SLC24A2: variants seen among roughly 807,000 people sequenced by gnomAD.
SLC24A2 encodes sodium/potassium/calcium exchanger 2.
SLC24A2 carries 36 observed loss-of-function variants against 62.0 expected under a neutral mutation model. The observed-to-expected ratio is 0.58, with a 90% CI of 0.44 to 0.77. The LOEUF (loss-of-function observed/expected upper bound fraction) is 0.77. Ranked by LOEUF, SLC24A2 falls within the 30% of genes least tolerant of loss-of-function variation. The probability of loss-of-function intolerance (pLI) is 0.00; values close to 1 mark genes in which losing one functional copy is unlikely to be tolerated. For synonymous variants in SLC24A2, 358 were observed against 294.0 expected (o/e 1.22, Z -2.23); for missense variants, 846 against 817.9 (o/e 1.03, Z -0.42).
chr9:19,950,592 T>C, the SLC24A2 span, among the ~76,000 whole-genome samples: 1 of 152,248 alleles, frequency 6.6e-6, no homozygotes. Context: ...CATGTATTCA[T>C]ATTCGATGAA....
chr9:19,674,166 A>G lies in SLC24A2; in HGVS notation c.931-51867T>C, dbSNP rs572137059. On this transcript the variant is annotated intron_variant, in intron 2 of 10. Coordinates refer to ENST00000341998, the MANE Select transcript of SLC24A2 (RefSeq NM_020344.4). Reference sequence around the variant, plus strand: ...TCTAGATACAAAATTCTTGGCTGATAATTGTTCTAAGAAGGCTGAAGATAG... The same window carrying G: ...TCTAGATACAAAATTCTTGGCTGATGATTGTTCTAAGAAGGCTGAAGATAG... 5.9e-5 allele frequency among the ~76,000 whole-genome samples: 9 copies of G among 152,258 alleles called. No homozygotes were observed. The South Asian group carries it at 1.9e-3, about 32-fold the overall frequency.
the SLC24A2 span, among the ~76,000 whole-genome samples, chr9:19,961,784 A>G: frequency 6.6e-6 from 1 of 152,326 alleles, no homozygotes; most frequent in East Asian, 1.9e-4. Flanking sequence ...GAGGGAAGGT[A>G]GCTGCCATGT....
chr9:20,089,160 G>A, the SLC24A2 span, among the ~76,000 whole-genome samples: 3 of 152,156 alleles, frequency 2.0e-5, no homozygotes, highest in African/African-American at 7.2e-5. Context: ...CCTTGCCCTT[G>A]CTGTCTCCAG....
chr9:19,530,829 G>A (rs942407559), intron 8 of SLC24A2, among the ~76,000 whole-genome samples: 1 of 152,124 alleles, frequency 6.6e-6, no homozygotes, highest in African/African-American at 2.4e-5. Flanking sequence ...TAAGCTAGAG[G>A]TAGATAAAGT....
At chr9:19,874,994 TACAAAAAAAA>T in the SLC24A2 span, among the ~76,000 whole-genome samples, 1 of 52,692 alleles carries the variant, frequency 1.9e-5, no homozygotes, top group East Asian at 3.6e-4. Context: ...CTTCCAGAAT[TACAAAAAAAA>T]AAAAAAAAAA....
At chr9:19,989,894 C>T in the SLC24A2 span, among the ~76,000 whole-genome samples, 1 of 152,070 alleles carries the variant, frequency 6.6e-6, no homozygotes, top group African/African-American at 2.4e-5. Flanking sequence ...TAGCACTATG[C>T]AGAGAGGGAA....
At chr9:19,696,090 G>A (rs1820183652) in intron 2 of SLC24A2, among the ~76,000 whole-genome samples, 1 of 152,112 alleles carries the variant, frequency 6.6e-6, no homozygotes, top group Non-Finnish European at 1.5e-5. Flanking sequence ...ATCAGTGGTG[G>A]CATTAGATTC....
the SLC24A2 span, among the ~76,000 whole-genome samples, chr9:19,841,628 T>C: frequency 6.6e-6 from 1 of 152,202 alleles, no homozygotes; most frequent in Non-Finnish European, 1.5e-5. Context: ...TTAAATAGTT[T>C]TTCCTTGCCA....
the SLC24A2 span, among the ~76,000 whole-genome samples, chr9:20,011,811 C>A: frequency 1.3e-5 from 2 of 152,128 alleles, no homozygotes; most frequent in African/African-American, 4.8e-5. Flanking sequence ...CAGCAAGAGA[C>A]TTTAAGAACA....
chr9:19,535,319 G>C (rs1165631036), intron 8 of SLC24A2, among the ~76,000 whole-genome samples: 1 of 152,120 alleles, frequency 6.6e-6, no homozygotes, highest in Non-Finnish European at 1.5e-5. Flanking sequence ...TCACTCTAAT[G>C]GTAGTTCCTT....
intron 2 of SLC24A2, among the ~76,000 whole-genome samples, chr9:19,719,028 A>T (rs1430756333): frequency 6.6e-6 from 1 of 152,224 alleles, no homozygotes; most frequent in Non-Finnish European, 1.5e-5. Context: ...AGTCCTTTGT[A>T]AAAGGAGTCT....
chr9:19,692,608 T>A (rs1820075872), intron 2 of SLC24A2, among the ~76,000 whole-genome samples: 1 of 152,130 alleles, frequency 6.6e-6, no homozygotes, highest in African/African-American at 2.4e-5. Context: ...GGTGGAGTAA[T>A]GGTTTCTCAT....
intron 2 of SLC24A2, among the ~76,000 whole-genome samples, chr9:19,637,255 G>T (rs1222524983): frequency 6.6e-6 from 1 of 152,250 alleles, no homozygotes; most frequent in Non-Finnish European, 1.5e-5. Context: ...TCAGGAAAAA[G>T]ATCTGAATGT....
chr9:19,543,761 G>A (rs1056247086), intron 8 of SLC24A2, among the ~76,000 whole-genome samples: 1 of 152,102 alleles, frequency 6.6e-6, no homozygotes, highest in African/African-American at 2.4e-5. Context: ...TCTTAATCCT[G>A]AGTTCTAATT....
At chr9:20,099,070 C>T in the SLC24A2 span, among the ~76,000 whole-genome samples, 536 of 152,286 alleles carry the variant, frequency 3.5e-3, 2 homozygotes, top group African/African-American at 0.012. Context: ...GATAAAGGTA[C>T]ATGTAGCAGC....
At chr9:20,018,766 G>GA in the SLC24A2 span, among the ~76,000 whole-genome samples, 20 of 151,350 alleles carry the variant, frequency 1.3e-4, no homozygotes, top group Admixed American at 2.6e-4. Context: ...TTTTATACAT[G>GA]AAAAAAAACC....
chr9:19,590,938 G>A (rs1282309579), intron 5 of SLC24A2, among the ~76,000 whole-genome samples: 1 of 151,996 alleles, frequency 6.6e-6, no homozygotes, highest in Non-Finnish European at 1.5e-5. Flanking sequence ...TCATTGATGC[G>A]GTCACCTTTT....
the SLC24A2 span, among the ~76,000 whole-genome samples, chr9:19,900,314 G>C: frequency 6.6e-6 from 1 of 152,294 alleles, no homozygotes; most frequent in East Asian, 1.9e-4. Context: ...ATTTTTCACT[G>C]CGGAAAATTA....
At chr9:19,579,707 A>G (rs1433734280) in intron 5 of SLC24A2, among the ~76,000 whole-genome samples, 1 of 152,216 alleles carries the variant, frequency 6.6e-6, no homozygotes, top group African/African-American at 2.4e-5. Context: ...ACTCAACTCA[A>G]ATAATGTCCT....
Sources: gnomAD v4.1 joint callset for allele counts (sites outside exome capture counted in the v4.1 genomes callset) on GRCh38, gnomAD v4.1.1 for gene constraint, MANE v1.5 for transcripts, NCBI Gene and HGNC (gene_info 2026-07-23, HGNC 2026-07-21) for gene names.